The following GRM7 variants were observed in gnomAD, a reference collection of about 807,000 sequenced individuals.
GRM7 encodes glutamate metabotropic receptor 7.
A neutral mutation model predicts 84.5 loss-of-function variants in GRM7; 35 were observed. That is an observed-to-expected ratio of 0.41 (90% CI 0.32 to 0.55). The LOEUF (loss-of-function observed/expected upper bound fraction) is 0.55, where lower values mean the gene tolerates loss of function less well. GRM7 is among the 20% of genes least tolerant of loss of function. The probability of loss-of-function intolerance (pLI) is 0.19; values close to 1 mark genes in which losing one functional copy is unlikely to be tolerated. For missense variants in GRM7, 1,003 were observed against 1,194.6 expected (o/e 0.84, Z 2.36); for synonymous variants, 487 against 455.1 (o/e 1.07, Z -0.89).
At position 7,649,337 on chromosome 3, in the gene GRM7, G is replaced by C. The variant is rs557606723; in HGVS notation, c.2452-30712G>C. Among the ~76,000 whole-genome samples, 3 of 152,136 alleles carry C rather than the reference G, an allele frequency of 2.0e-5. No individual in the cohort carries two copies. In the South Asian group the frequency reaches 6.2e-4, roughly 32 times the overall value. ...TCCTGCCTCGGCCTCCCAAAGTGCTGGGATTACAGCAAAGTGCTGGGATTA... is the reference window on the plus strand; with the variant it reads ...TCCTGCCTCGGCCTCCCAAAGTGCTCGGATTACAGCAAAGTGCTGGGATTA... On this transcript the variant is annotated intron_variant, in intron 8 of 9. Coordinates refer to ENST00000357716, the MANE Select transcript of GRM7 (RefSeq NM_000844.4).
At chr3:7,160,909 G>A (rs1465610235) in intron 2 of GRM7, among the ~76,000 whole-genome samples, 2 of 152,024 alleles carry the variant, frequency 1.3e-5, no homozygotes, top group Non-Finnish European at 2.9e-5. Flanking sequence ...CTTGGACTTC[G>A]CTGCCAGTCC....
At chr3:7,606,665 C>A (rs1250134374) in intron 8 of GRM7, among the ~76,000 whole-genome samples, 2 of 152,070 alleles carry the variant, frequency 1.3e-5, no homozygotes, top group African/African-American at 4.8e-5. Context: ...TCCTGAGTAG[C>A]TGGGATCACA....
At chr3:7,332,042 T>C (rs1045961597) in intron 4 of GRM7, among the ~76,000 whole-genome samples, 2 of 152,168 alleles carry the variant, frequency 1.3e-5, no homozygotes, top group African/African-American at 4.8e-5. Flanking sequence ...GTATATTTTA[T>C]AGGTGTATAC....
intron 7 of GRM7, among the ~76,000 whole-genome samples, chr3:7,551,560 T>C (rs1693478619): frequency 6.6e-6 from 1 of 151,322 alleles, no homozygotes; most frequent in Admixed American, 6.6e-5. Flanking sequence ...ATTCTTGACA[T>C]TTACTTCATA....
chr3:7,485,159 C>G lies in GRM7; in HGVS notation c.1515+23437C>G, dbSNP rs1018673167. Among the ~76,000 whole-genome samples the G allele has an allele frequency of 2.6e-5, 4 of 152,120 alleles. 1 individual carries two copies. The highest frequency in any genetic ancestry group is 9.7e-5 in the African/African-American group (4 of 41,426). ...TATAACCATAAAAGAGACTGTGAAC[C>G]AGAGAACCCAACTAAAATGTGTCCA... On this transcript the variant is annotated intron_variant, in intron 7 of 9. Transcript: ENST00000357716.
chr3:7,035,449 A>G (rs772803339), intron 1 of GRM7, among the ~76,000 whole-genome samples: 1 of 152,164 alleles, frequency 6.6e-6, no homozygotes, highest in Admixed American at 6.5e-5. Context: ...AAGGAGCAAG[A>G]CTGAAATTTT....
intron 1 of GRM7, among the ~76,000 whole-genome samples, chr3:7,079,018 C>T (rs1698189715): frequency 6.6e-6 from 1 of 152,082 alleles, no homozygotes; most frequent in African/African-American, 2.4e-5. Flanking sequence ...CTTGGTTAAT[C>T]AGAAATTTAA....
intron 9 of GRM7, among the ~76,000 whole-genome samples, chr3:7,727,230 A>C (rs1231209673): frequency 2.0e-5 from 3 of 152,132 alleles, no homozygotes; most frequent in Non-Finnish European, 4.4e-5. Flanking sequence ...ATCACCCTTT[A>C]ATGTTAGGCA....
chr3:7,740,379 T>C lies in GRM7; in HGVS notation c.2721T>C (p.Tyr907=), dbSNP rs753704961. ...CAGGCCCTGCTGCAAAAAAGAAGTA[T>C]GTCAGTTATAATAACCTGGTTATCT... is the stretch of plus-strand genomic sequence containing the variant. ...DPNSPAAKKK[Y]VSYNNLVI is the part of the protein sequence containing the mutation. The change falls in exon 10 of 10, where the codon TAT becomes TAC. Residue 907 remains tyrosine (Y), a synonymous_variant. Transcript: ENST00000357716. 5 of 1,590,274 alleles carry C rather than the reference T, an allele frequency of 3.1e-6. No individual in the cohort carries two copies. The East Asian group carries it at 1.1e-4, about 36-fold the overall frequency.
At chr3:7,635,825 C>G (rs1229729154) in intron 8 of GRM7, among the ~76,000 whole-genome samples, 1 of 152,046 alleles carries the variant, frequency 6.6e-6, no homozygotes, top group African/African-American at 2.4e-5. Flanking sequence ...AGACATATGC[C>G]ACCACAAACA....
intron 7 of GRM7, among the ~76,000 whole-genome samples, chr3:7,478,492 A>G (rs1699009953): frequency 6.6e-6 from 1 of 152,200 alleles, no homozygotes; most frequent in South Asian, 2.1e-4. Context: ...ATCAGCAAAT[A>G]TCTTTGCTAG....
intron 7 of GRM7, among the ~76,000 whole-genome samples, chr3:7,509,506 T>C (rs928484861): frequency 3.3e-5 from 5 of 152,192 alleles, no homozygotes; most frequent in African/African-American, 1.2e-4. Context: ...TGTATGTATG[T>C]ATACATCCTC....
intron 4 of GRM7, among the ~76,000 whole-genome samples, chr3:7,341,243 T>A (rs17047171): frequency 0.04 from 6,073 of 152,136 alleles, 263 homozygotes; most frequent in African/African-American, 0.11. Context: ...CTTTCTAGAG[T>A]TTACATGAGG....
chr3:7,497,306 C>T (rs751247386), intron 7 of GRM7, among the ~76,000 whole-genome samples: 2 of 152,176 alleles, frequency 1.3e-5, no homozygotes, highest in Admixed American at 6.5e-5. Flanking sequence ...CAAGCTGTCA[C>T]ATTAGGCCAT....
intron 1 of GRM7, among the ~76,000 whole-genome samples, chr3:7,082,318 C>T (rs1379147936): frequency 6.6e-6 from 1 of 152,080 alleles, no homozygotes; most frequent in African/African-American, 2.4e-5. Context: ...TCTACTCTGT[C>T]TGTGCTCTAG....
At chr3:7,446,383 A>G (rs910422195) in intron 5 of GRM7, among the ~76,000 whole-genome samples, 1 of 151,582 alleles carries the variant, frequency 6.6e-6, no homozygotes, top group African/African-American at 2.4e-5. Context: ...TTGTTTTCTC[A>G]TAACTCCATC....
At chr3:7,378,151 G>T (rs115752106) in intron 4 of GRM7, among the ~76,000 whole-genome samples, 4,011 of 152,224 alleles carry the variant, frequency 0.026, 96 homozygotes, top group African/African-American at 0.061. Context: ...TGGGATGGCT[G>T]CACAGCCCGG....
At chr3:7,111,041 A>T (rs188051478) in intron 1 of GRM7, among the ~76,000 whole-genome samples, 11 of 152,030 alleles carry the variant, frequency 7.2e-5, no homozygotes, top group Non-Finnish European at 1.6e-4. Flanking sequence ...AGTCATTAAA[A>T]CAACTTGGAC....
chr3:7,547,148 C>A (rs113665470), intron 7 of GRM7, among the ~76,000 whole-genome samples: 1 of 151,224 alleles, frequency 6.6e-6, no homozygotes, highest in South Asian at 2.1e-4. Flanking sequence ...CATGAGAAAG[C>A]CCCGGCACAG....
Sources: allele counts gnomAD v4.1 joint callset (sites outside exome capture counted in the v4.1 genomes callset), GRCh38; gene constraint gnomAD v4.1.1; transcripts MANE v1.5; gene names NCBI Gene and HGNC (gene_info 2026-07-23, HGNC 2026-07-21).